The following ATE1 variants were observed in gnomAD, a reference collection of about 807,000 sequenced individuals.
ATE1 encodes arginyl-tRNA--protein transferase 1.
A neutral mutation model predicts 70.5 loss-of-function variants in ATE1; 36 were observed. The observed-to-expected ratio is 0.51, with a 90% CI of 0.39 to 0.67. ATE1 has a LOEUF of 0.67. ATE1 is among the 30% of genes least tolerant of loss of function. The pLI is 0.00. For missense variants in ATE1, 593 were observed against 629.5 expected, an observed-to-expected ratio of 0.94 and a Z score of 0.62; for synonymous variants, 232 against 219.3, an observed-to-expected ratio of 1.06 and a Z score of -0.51.
At chr10:121,868,563 T>A (rs751376670) in intron 8 of ATE1, among the ~76,000 whole-genome samples, 10 of 152,224 alleles carry the variant, frequency 6.6e-5, no homozygotes, top group Non-Finnish European at 1.0e-4. Flanking sequence ...TAAAATTCTA[T>A]CTGCCAGACG....
At chr10:121,843,050 A>C (rs11200187) in intron 8 of ATE1, among the ~76,000 whole-genome samples, 20,119 of 152,158 alleles carry the variant, frequency 0.13, 1,523 homozygotes, top group East Asian at 0.19. Flanking sequence ...TTTATAGATA[A>C]CATGACTGAG....
chr10:121,802,539 C>T (rs1032118778), intron 10 of ATE1, among the ~76,000 whole-genome samples: 1 of 152,062 alleles, frequency 6.6e-6, no homozygotes, highest in South Asian at 2.1e-4. Context: ...GAACTCAAGA[C>T]CTGAGGTGAT....
At chr10:121,779,876 A>G (rs1419318945) in intron 11 of ATE1, among the ~76,000 whole-genome samples, 1 of 152,200 alleles carries the variant, frequency 6.6e-6, no homozygotes, top group African/African-American at 2.4e-5. Flanking sequence ...CTCTCAGCAG[A>G]ATCTGACACT....
chr10:121,755,037 A>G (rs1195507874), intron 11 of ATE1, among the ~76,000 whole-genome samples: 2 of 152,224 alleles, frequency 1.3e-5, no homozygotes, highest in Non-Finnish European at 2.9e-5. Flanking sequence ...AGGATATACT[A>G]TGGTATTGTT....
chr10:121,876,857 T>C (rs972262413), intron 7 of ATE1, among the ~76,000 whole-genome samples: 4 of 151,468 alleles, frequency 2.6e-5, no homozygotes, highest in Non-Finnish European at 4.4e-5. Flanking sequence ...TCCCAGCTAC[T>C]CGGGAGGCTG....
chr10:121,912,343 T>A (rs1000032107), intron 4 of ATE1, among the ~76,000 whole-genome samples: 12 of 151,716 alleles, frequency 7.9e-5, no homozygotes, highest in Non-Finnish European at 1.6e-4. Flanking sequence ...AACAACCAAA[T>A]ATAAACACTA....
chr10:121,883,174 A>G (rs1950277380), intron 7 of ATE1, among the ~76,000 whole-genome samples: 1 of 151,922 alleles, frequency 6.6e-6, no homozygotes. Context: ...TACCTGCTCT[A>G]TTTTTCCCAC....
intron 11 of ATE1, among the ~76,000 whole-genome samples, chr10:121,778,183 GA>G (rs1945824353): frequency 6.6e-6 from 1 of 152,142 alleles, no homozygotes; most frequent in South Asian, 2.1e-4. Flanking sequence ...CACAAATTGG[GA>G]AACCTAACAC....
rs1947650532 is a variant in ATE1, at chr10:121,818,403, A to C, written c.1257+18315T>G. Among the ~76,000 whole-genome samples the C allele has an allele frequency of 2.6e-5, 4 of 152,194 alleles. No homozygotes were observed. The South Asian group carries it at 8.3e-4, about 31-fold the overall frequency. ...CAAAAACATCAGCACGTGAACATAA[A>C]AGCTATGTTTCTATGATTTCAGTAA... is the stretch of plus-strand genomic sequence containing the variant. On this transcript the variant is annotated intron_variant, in intron 10 of 11. Coordinates refer to ENST00000224652, the MANE Select transcript of ATE1 (RefSeq NM_001001976.3).
chr10:121,829,570 G>A (rs1341457157), intron 10 of ATE1, among the ~76,000 whole-genome samples: 6 of 151,758 alleles, frequency 4.0e-5, no homozygotes, highest in East Asian at 3.9e-4. Context: ...TTAGCCGGGC[G>A]TGGTGGTACG....
chr10:121,756,357 G>C (rs1006782215), intron 11 of ATE1, among the ~76,000 whole-genome samples: 1 of 152,160 alleles, frequency 6.6e-6, no homozygotes, highest in Admixed American at 6.5e-5. Context: ...AGCTTTTCCA[G>C]GTGCACAGTG....
At chr10:121,822,520 G>A (rs1398855234) in intron 10 of ATE1, among the ~76,000 whole-genome samples, 1 of 152,088 alleles carries the variant, frequency 6.6e-6, no homozygotes, top group Non-Finnish European at 1.5e-5. Context: ...ACAGTTTTCT[G>A]TATTTATATC....
intron 7 of ATE1, among the ~76,000 whole-genome samples, chr10:121,890,711 A>G (rs1379036749): frequency 6.6e-6 from 1 of 152,208 alleles, no homozygotes; most frequent in African/African-American, 2.4e-5. Context: ...GTATTTTCTA[A>G]AGAATAACAT....
At chr10:121,910,155 C>T (rs920442482) in intron 5 of ATE1, among the ~76,000 whole-genome samples, 1 of 152,042 alleles carries the variant, frequency 6.6e-6, no homozygotes, top group African/African-American at 2.4e-5. Context: ...AATAAAATTG[C>T]AAATGGAGAA....
Position 121,847,836 on chromosome 10 carries a change from A to C in ATE1, c.976-6573T>G, listed in dbSNP as rs191211167. 2.2e-4 allele frequency among the ~76,000 whole-genome samples: 33 copies of C among 149,608 alleles called. No homozygotes were observed. The South Asian group carries it at 2.6e-3, about 12-fold the overall frequency. The stretch of plus-strand genomic sequence containing the variant: ...CCTGTAATCCCAGCACTTTGGGAGG[A>C]CGAGGCGGGCAGATCATGAGCTCAG... On this transcript the variant is annotated intron_variant, in intron 8 of 11. Transcript: ENST00000224652.
intron 8 of ATE1, among the ~76,000 whole-genome samples, chr10:121,848,118 T>C (rs1202489825): frequency 6.6e-6 from 1 of 152,070 alleles, no homozygotes; most frequent in African/African-American, 2.4e-5. Context: ...TGCGGTGACA[T>C]GGAAACTGAG....
intron 7 of ATE1, among the ~76,000 whole-genome samples, chr10:121,888,665 C>T (rs1416167607): frequency 2.0e-5 from 3 of 149,322 alleles, no homozygotes; most frequent in Non-Finnish European, 3.0e-5. Flanking sequence ...GTATGTTTAC[C>T]AAAAGGTATG....
intron 7 of ATE1, among the ~76,000 whole-genome samples, chr10:121,870,521 G>GA (rs1249270129): frequency 2.0e-5 from 3 of 152,132 alleles, no homozygotes; most frequent in Non-Finnish European, 4.4e-5. Flanking sequence ...GTGAGAATGA[G>GA]AAGAAGGTGA....
intron 8 of ATE1, among the ~76,000 whole-genome samples, chr10:121,860,032 T>C (rs1949413057): frequency 6.6e-6 from 1 of 152,176 alleles, no homozygotes; most frequent in African/African-American, 2.4e-5. Flanking sequence ...TTACAGAACA[T>C]AAAACAGCAT....
Sources: allele counts gnomAD v4.1 joint callset (sites outside exome capture counted in the v4.1 genomes callset), GRCh38; gene constraint gnomAD v4.1.1; transcripts MANE v1.5; gene names NCBI Gene and HGNC (gene_info 2026-07-23, HGNC 2026-07-21).